Variants in SND1 observed in about 807,000 individuals in gnomAD.
SND1 encodes the protein staphylococcal nuclease domain-containing protein 1.
A neutral mutation model predicts 121.7 loss-of-function variants in SND1; 38 were observed. That is an observed-to-expected ratio of 0.31 (90% CI 0.24 to 0.41). The LOEUF is 0.41. Ranked by LOEUF, SND1 falls within the 10% of genes least tolerant of loss-of-function variation. The probability of loss-of-function intolerance (pLI) is 1.00; values close to 1 mark genes in which losing one functional copy is unlikely to be tolerated. For synonymous variants in SND1, 401 were observed against 447.4 expected (o/e 0.90, Z 1.31); for missense variants, 868 against 1,184.6 (o/e 0.73, Z 3.92).
rs544228371 is a variant in SND1, at chr7:127,982,159, G to A, written c.1670-8788G>A. 2.8e-4 allele frequency among the ~76,000 whole-genome samples: 42 copies of A among 152,262 alleles called. No individual in the cohort carries two copies. In the South Asian group the frequency reaches 7.3e-3, roughly 26 times the overall value. On this transcript the variant is annotated intron_variant, in intron 15 of 23. Coordinates refer to ENST00000354725, the MANE Select transcript of SND1 (RefSeq NM_014390.4). Reference sequence around the variant, plus strand: ...AAGGCATGTTTAACAGCCAAGCACCGCACTTCCTGTCTGTAGATGCTTCTC... The same window carrying A: ...AAGGCATGTTTAACAGCCAAGCACCACACTTCCTGTCTGTAGATGCTTCTC...
chr7:127,832,733 C>T (rs1225693898), intron 11 of SND1, among the ~76,000 whole-genome samples: 26 of 152,162 alleles, frequency 1.7e-4, no homozygotes, highest in Non-Finnish European at 2.9e-5. Context: ...GTCCCCAAGC[C>T]CCGGACTGCG....
At chr7:127,957,558 G>A (rs1342645028) in intron 15 of SND1, among the ~76,000 whole-genome samples, 1 of 152,076 alleles carries the variant, frequency 6.6e-6, no homozygotes, top group Non-Finnish European at 1.5e-5. Flanking sequence ...CTTTTAAATG[G>A]CAAAAAGTTA....
chr7:127,730,793 C>T (rs6467142), intron 10 of SND1, among the ~76,000 whole-genome samples: 143,764 of 152,292 alleles, frequency 0.94, 68,312 homozygotes, highest in Non-Finnish European at 1. Flanking sequence ...TGCATCCTCA[C>T]TGGGGGCCTT....
chr7:127,947,321 G>C (rs1450849852), intron 15 of SND1, among the ~76,000 whole-genome samples: 1 of 152,128 alleles, frequency 6.6e-6, no homozygotes, highest in African/African-American at 2.4e-5. Flanking sequence ...TTGCATATTT[G>C]CTGTCTGAGT....
intron 15 of SND1, among the ~76,000 whole-genome samples, chr7:127,969,023 C>T (rs1213030898): frequency 1.3e-5 from 2 of 152,206 alleles, no homozygotes; most frequent in Non-Finnish European, 2.9e-5. Flanking sequence ...GCACGTCCTT[C>T]TCTACCTCCT....
chr7:128,082,653 G>T (rs554133189), intron 18 of SND1, among the ~76,000 whole-genome samples: 2 of 152,304 alleles, frequency 1.3e-5, no homozygotes, highest in Non-Finnish European at 2.9e-5. Flanking sequence ...ATGAACCGGG[G>T]CGGTGGCCAG....
chr7:127,951,009 A>T (rs1801450055), intron 15 of SND1, among the ~76,000 whole-genome samples: 1 of 152,160 alleles, frequency 6.6e-6, no homozygotes, highest in Non-Finnish European at 1.5e-5. Context: ...TAGTATGGAG[A>T]TTCCTCAAAA....
At chr7:127,857,976 G>A in intron 12 of SND1, 1 of 1,430,486 alleles carries the variant, frequency 7.0e-7, no homozygotes, top group South Asian at 1.1e-5. Context: ...GGTCGCTGGT[G>A]AAGGGCCCAT....
intron 14 of SND1, among the ~76,000 whole-genome samples, chr7:127,907,266 G>C (rs1332537440): frequency 6.6e-6 from 1 of 152,118 alleles, no homozygotes; most frequent in Non-Finnish European, 1.5e-5. Flanking sequence ...TGTTAAGTCT[G>C]TGTGTATGTT....
At chr7:127,974,323 A>G (rs1472942204) in intron 15 of SND1, among the ~76,000 whole-genome samples, 6 of 152,200 alleles carry the variant, frequency 3.9e-5, no homozygotes, top group African/African-American at 1.4e-4. Context: ...CATCCACGCA[A>G]GGTGAATTTG....
intron 1 of SND1, among the ~76,000 whole-genome samples, chr7:127,673,724 AT>A (rs1449339840): frequency 1.3e-5 from 2 of 152,146 alleles, no homozygotes; most frequent in African/African-American, 4.8e-5. Context: ...TCTCTTCCAC[AT>A]TTTTTATTCA....
intron 11 of SND1, among the ~76,000 whole-genome samples, chr7:127,826,786 A>G (rs936620674): frequency 2.0e-5 from 3 of 152,230 alleles, no homozygotes; most frequent in Non-Finnish European, 4.4e-5. Flanking sequence ...GTGCTTTTAT[A>G]TAGATCAGCA....
At chr7:127,805,811 T>C (rs1280610957) in intron 10 of SND1, among the ~76,000 whole-genome samples, 1 of 152,218 alleles carries the variant, frequency 6.6e-6, no homozygotes, top group Non-Finnish European at 1.5e-5. Flanking sequence ...TGGCAAAGGT[T>C]CGGCCAGATT....
At chr7:127,726,695 AG>A (rs1160604760) in intron 10 of SND1, among the ~76,000 whole-genome samples, 1 of 152,182 alleles carries the variant, frequency 6.6e-6, no homozygotes, top group Admixed American at 6.5e-5. Context: ...CAAAGGAAAC[AG>A]CCCCCAGGCA....
chr7:128,036,379 GGGAAT>G (rs1359473723), intron 16 of SND1, among the ~76,000 whole-genome samples: 2 of 152,328 alleles, frequency 1.3e-5, no homozygotes, highest in Admixed American at 1.3e-4. Flanking sequence ...CAGTCATAAA[GGGAAT>G]GGATTTTATT....
chr7:127,906,615 C>G (rs1399630755), intron 14 of SND1, among the ~76,000 whole-genome samples: 1 of 152,126 alleles, frequency 6.6e-6, no homozygotes, highest in African/African-American at 2.4e-5. Context: ...ACTCCAGGGC[C>G]TTCCAGAAGC....
chr7:127,783,351 C>T (rs1004148206), intron 10 of SND1, among the ~76,000 whole-genome samples: 9 of 152,266 alleles, frequency 5.9e-5, no homozygotes, highest in African/African-American at 2.2e-4. Flanking sequence ...ACAGGCTTTC[C>T]CTTTTTGGTG....
chr7:127,663,376 TC>T (rs1379544618), intron 1 of SND1, among the ~76,000 whole-genome samples: 1 of 144,362 alleles, frequency 6.9e-6, no homozygotes, highest in Non-Finnish European at 1.6e-5. Flanking sequence ...CTACTGTACT[TC>T]TTTTTTTTTT....
At chr7:127,868,042 C>T (rs1799512229) in intron 12 of SND1, among the ~76,000 whole-genome samples, 1 of 152,172 alleles carries the variant, frequency 6.6e-6, no homozygotes, top group African/African-American at 2.4e-5. Context: ...CGTCTAAAAT[C>T]TGAATTGTGC....
Sources: allele counts gnomAD v4.1 joint callset (sites outside exome capture counted in the v4.1 genomes callset), GRCh38; gene constraint gnomAD v4.1.1; transcripts MANE v1.5; gene names NCBI Gene and HGNC (gene_info 2026-07-23, HGNC 2026-07-21).